The following DCC variants were observed in gnomAD, a reference collection of about 807,000 sequenced individuals.
DCC encodes the protein DCC netrin 1 receptor.
A neutral mutation model predicts 172.5 loss-of-function variants in DCC; 58 were observed. The observed-to-expected ratio is 0.34, with a 90% CI of 0.27 to 0.42. DCC has a LOEUF of 0.42. Among genes scored for constraint, DCC ranks in the 10% least tolerant of loss-of-function variants. The pLI, the probability that DCC is intolerant of heterozygous loss-of-function variation, is 1.00. For missense variants in DCC, 1,740 were observed against 1,791.0 expected, an observed-to-expected ratio of 0.97 and a Z score of 0.51; for synonymous variants, 709 against 644.5, an observed-to-expected ratio of 1.10 and a Z score of -1.52.
chr18:53,379,799 G>A (rs1907579191), intron 15 of DCC, among the ~76,000 whole-genome samples: 1 of 152,028 alleles, frequency 6.6e-6, no homozygotes, highest in Admixed American at 6.5e-5. Flanking sequence ...AAGAAAGGTT[G>A]GCCAAACAAT....
At chr18:53,168,655 C>A (rs1000648660) in intron 8 of DCC, among the ~76,000 whole-genome samples, 2 of 151,818 alleles carry the variant, frequency 1.3e-5, no homozygotes, top group Admixed American at 1.3e-4. Flanking sequence ...ACCACCATGG[C>A]ACATGTATAC....
Position 52,466,078 on chromosome 18 carries a change from T to G in DCC, c.91+125200T>G, listed in dbSNP as rs538738794. 2.6e-5 allele frequency among the ~76,000 whole-genome samples: 4 copies of G among 152,316 alleles called. No individual in the cohort carries two copies. The East Asian group carries it at 7.7e-4, about 29-fold the overall frequency. On this transcript the variant is annotated intron_variant, in intron 1 of 28. Coordinates refer to ENST00000442544, the MANE Select transcript of DCC (RefSeq NM_005215.4). ...TTATTGAATTGTGTTTTCTTACTATTTGATATTCAGGTGGTTTCATAGTTG... is the reference window on the plus strand; with the variant it reads ...TTATTGAATTGTGTTTTCTTACTATGTGATATTCAGGTGGTTTCATAGTTG...
At chr18:52,700,415 G>GCA (rs1044409023) in intron 1 of DCC, among the ~76,000 whole-genome samples, 16 of 151,454 alleles carry the variant, frequency 1.1e-4, no homozygotes, top group East Asian at 1.9e-4. Flanking sequence ...ACACGCACAT[G>GCA]CACACACACA....
At position 52,752,352 on chromosome 18, in the gene DCC, G is replaced by C. The variant is rs2145133287; in HGVS notation, c.390G>C (p.Arg130=). The change falls in exon 2 of 29, where the codon CGG becomes CGC. Residue 130 remains arginine, a synonymous_variant. Transcript: ENST00000442544. ...SLGDSGSIIS[R]TAKVAVAGPL... ...GAGATTCTGGCTCAATTATTAGTCG[G>C]ACAGCAAAAGTTGCAGTAGCAGGTA... 1 of 1,614,104 alleles carries C rather than the reference G, an allele frequency of 6.2e-7. No individual in the cohort carries two copies. The highest frequency in any genetic ancestry group is 8.5e-7 in the Non-Finnish European group (1 of 1,179,972).
chr18:52,483,304 G>T (rs867938382), intron 1 of DCC, among the ~76,000 whole-genome samples: 43 of 152,150 alleles, frequency 2.8e-4, no homozygotes, highest in Middle Eastern at 3.4e-3. Context: ...ATCTGTTGGA[G>T]GGCCATGCAG....
intron 8 of DCC, among the ~76,000 whole-genome samples, chr18:53,167,294 A>G (rs944373641): frequency 1.3e-5 from 2 of 152,152 alleles, no homozygotes; most frequent in African/African-American, 4.8e-5. Flanking sequence ...TAATCTCTAA[A>G]CTCTACTTCT....
intron 5 of DCC, among the ~76,000 whole-genome samples, chr18:53,020,470 C>G (rs2143916110): frequency 6.6e-6 from 1 of 152,160 alleles, no homozygotes; most frequent in African/African-American, 2.4e-5. Context: ...GTGTTTCGCT[C>G]AAAATTGAAC....
intron 1 of DCC, among the ~76,000 whole-genome samples, chr18:52,512,593 T>C (rs560789483): frequency 2.4e-4 from 36 of 152,352 alleles, no homozygotes; most frequent in African/African-American, 8.2e-4. Context: ...GTCATATTTC[T>C]TGAACACCTA....
intron 5 of DCC, among the ~76,000 whole-genome samples, chr18:52,933,876 C>G (rs918314368): frequency 6.6e-6 from 1 of 151,980 alleles, no homozygotes; most frequent in East Asian, 1.9e-4. Flanking sequence ...GTTTGTAAAA[C>G]AATGATAATT....
chr18:53,302,284 T>C (rs1306782833), intron 12 of DCC, among the ~76,000 whole-genome samples: 1 of 152,154 alleles, frequency 6.6e-6, no homozygotes, highest in Non-Finnish European at 1.5e-5. Flanking sequence ...TTGACAATTG[T>C]ATCCATCTGA....
intron 12 of DCC, among the ~76,000 whole-genome samples, chr18:53,225,198 G>A (rs945987215): frequency 6.6e-6 from 1 of 152,156 alleles, no homozygotes; most frequent in African/African-American, 2.4e-5. Flanking sequence ...TCGAGAGAGA[G>A]TATGAAGGGA....
intron 1 of DCC, among the ~76,000 whole-genome samples, chr18:52,477,977 T>A (rs1016723426): frequency 6.6e-6 from 1 of 152,020 alleles, no homozygotes; most frequent in African/African-American, 2.4e-5. Context: ...ACCCCGCTAA[T>A]TTTTTTATGT....
rs573357838 is a variant in DCC at position 53,047,280 on chromosome 18, AT to A, written c.986-16024del. Among the ~76,000 whole-genome samples, 11 of 17,814 alleles carry A rather than the reference AT, an allele frequency of 6.2e-4. 1 individual carries two copies. Among genetic ancestry groups the A allele is most frequent in the African/African-American group, 4.3e-3 (10 of 2,342 alleles). The allele number at this position is 17,814 out of a possible 152,430, so 11.7% of individuals were successfully genotyped here. A position where few individuals can be genotyped will look rare whatever the true frequency, so the allele number is the denominator to read the frequency against. On this transcript the variant is annotated intron_variant, in intron 5 of 28. Coordinates refer to ENST00000442544, the MANE Select transcript of DCC (RefSeq NM_005215.4). The stretch of plus-strand genomic sequence containing the variant: ...TATATATATATATATATATATATAT[AT>A]ATATATAATTTTATATATATATATA...
At chr18:52,516,467 T>C (rs1465256624) in intron 1 of DCC, among the ~76,000 whole-genome samples, 2 of 152,206 alleles carry the variant, frequency 1.3e-5, no homozygotes, top group African/African-American at 2.4e-5. Flanking sequence ...GATACTTTAT[T>C]ATAGTTTTGC....
chr18:53,419,452 A>G (rs923537694), intron 21 of DCC, among the ~76,000 whole-genome samples: 1 of 150,590 alleles, frequency 6.6e-6, no homozygotes, highest in Non-Finnish European at 1.5e-5. Context: ...CCCCACTACC[A>G]TTCCCAGCCT....
intron 5 of DCC, among the ~76,000 whole-genome samples, chr18:52,988,642 T>C (rs937955709): frequency 1.3e-5 from 2 of 152,170 alleles, no homozygotes; most frequent in Non-Finnish European, 2.9e-5. Context: ...CTCAAATATT[T>C]GTTTCTATTA....
intron 15 of DCC, among the ~76,000 whole-genome samples, chr18:53,358,526 C>CTAAGAAATGTAAGACATAT: frequency 8.4e-6 from 1 of 119,596 alleles, no homozygotes; most frequent in African/African-American, 3.3e-5. Flanking sequence ...CATATTCTCT[C>CTAAGAAATGTAAGACATAT]TCTCTTTTTT....
In DCC at chr18:53,466,596, GCTCATTGCAACCTCCGC is replaced by G. The variant is rs2045624165; in HGVS notation, c.3620-1294_3620-1278del. The stretch of plus-strand genomic sequence containing the variant: ...GCTGGAGTGCAGTGGCGCAATCTCA[GCTCATTGCAACCTCCGC>G]CTCCTGGGTTCAAGCGATTCTTCTG... On this transcript the variant is annotated intron_variant, in intron 24 of 28. Transcript: ENST00000442544. Among the ~76,000 whole-genome samples the G allele has an allele frequency of 3.9e-5, 6 of 152,270 alleles. No homozygotes were observed. The South Asian group carries it at 1.2e-3, about 32-fold the overall frequency.
intron 5 of DCC, among the ~76,000 whole-genome samples, chr18:52,959,724 T>G (rs545553096): frequency 6.6e-6 from 1 of 152,276 alleles, no homozygotes; most frequent in Non-Finnish European, 1.5e-5. Context: ...TTATTCATAA[T>G]GGTTCCAATG....
Sources: allele counts gnomAD v4.1 joint callset (sites outside exome capture counted in the v4.1 genomes callset), GRCh38; gene constraint gnomAD v4.1.1; transcripts MANE v1.5; gene names NCBI Gene and HGNC (gene_info 2026-07-23, HGNC 2026-07-21).